Variants in POFUT3 observed in about 807,000 individuals in gnomAD.
POFUT3 encodes GDP-fucose protein O-fucosyltransferase 3.
the POFUT3 span, among the ~76,000 whole-genome samples, chr8:33,441,140 G>A: frequency 2.0e-5 from 3 of 151,916 alleles, no homozygotes; most frequent in East Asian, 3.9e-4. Flanking sequence ...AGACCAGCCT[G>A]GCCAACATGG....
At chr8:33,446,742 A>T in the POFUT3 span, among the ~76,000 whole-genome samples, 2 of 152,204 alleles carry the variant, frequency 1.3e-5, no homozygotes, top group East Asian at 3.9e-4. Flanking sequence ...GACACCAACA[A>T]GTTGGTTTTT....
At chr8:33,431,031 C>T in the POFUT3 span, among the ~76,000 whole-genome samples, 1 of 152,094 alleles carries the variant, frequency 6.6e-6, no homozygotes, top group Admixed American at 6.6e-5. Flanking sequence ...CACACTTACC[C>T]TTGGAAAGTG....
the POFUT3 span, among the ~76,000 whole-genome samples, chr8:33,457,690 G>A: frequency 6.6e-6 from 1 of 151,984 alleles, no homozygotes; most frequent in African/African-American, 2.4e-5. Flanking sequence ...ATATCCAGGT[G>A]AAATGCTATT....
chr8:33,415,528 G>A, the POFUT3 span, among the ~76,000 whole-genome samples: 7 of 152,126 alleles, frequency 4.6e-5, no homozygotes, highest in African/African-American at 1.4e-4. Context: ...GAGCAGTCAA[G>A]TACCAGGTCC....
chr8:33,343,442 G>A, the POFUT3 span, among the ~76,000 whole-genome samples: 7 of 152,312 alleles, frequency 4.6e-5, no homozygotes, highest in South Asian at 2.1e-4. Context: ...CAAGAAATGC[G>A]ATAGACAAGC....
chr8:33,384,413 G>A, the POFUT3 span, among the ~76,000 whole-genome samples: 4 of 152,154 alleles, frequency 2.6e-5, no homozygotes, highest in East Asian at 1.9e-4. Flanking sequence ...CCTTTTACTC[G>A]AGAAGGAATA....
the POFUT3 span, among the ~76,000 whole-genome samples, chr8:33,340,906 A>G: frequency 6.6e-6 from 1 of 152,234 alleles, no homozygotes; most frequent in Non-Finnish European, 1.5e-5. Context: ...AAGACTACAG[A>G]AGAACACAAC....
chr8:33,361,490 C>G, the POFUT3 span: 1 of 152,122 alleles, frequency 6.6e-6, no homozygotes, highest in African/African-American at 2.4e-5. Flanking sequence ...GACAGAGATT[C>G]ACGAGGTAAA....
chr8:33,316,680 T>G, the POFUT3 span, among the ~76,000 whole-genome samples: 1 of 151,128 alleles, frequency 6.6e-6, no homozygotes, highest in Non-Finnish European at 1.5e-5. Context: ...AGGTGGAGGT[T>G]GCAATGAGCC....
chr8:33,377,422 C>G, the POFUT3 span: 1 of 152,140 alleles, frequency 6.6e-6, no homozygotes, highest in African/African-American at 2.4e-5. Flanking sequence ...CTCGAGTCAC[C>G]AGTCAGCTGG....
At chr8:33,434,634 C>G in the POFUT3 span, among the ~76,000 whole-genome samples, 1 of 152,186 alleles carries the variant, frequency 6.6e-6, no homozygotes, top group Non-Finnish European at 1.5e-5. Flanking sequence ...GAACTGGAGA[C>G]AGCCCCTTAG....
the POFUT3 span, among the ~76,000 whole-genome samples, chr8:33,365,800 T>G: frequency 6.6e-6 from 1 of 152,022 alleles, no homozygotes; most frequent in South Asian, 2.1e-4. Context: ...GCTTTTACAC[T>G]GTTGGTGGGA....
At chr8:33,329,623 A>G in the POFUT3 span, among the ~76,000 whole-genome samples, 1 of 152,248 alleles carries the variant, frequency 6.6e-6, no homozygotes, top group African/African-American at 2.4e-5. Context: ...GCTATAAGCA[A>G]TGCCACAGAG....
the POFUT3 span, among the ~76,000 whole-genome samples, chr8:33,330,533 G>T: frequency 6.6e-6 from 1 of 152,236 alleles, no homozygotes; most frequent in African/African-American, 2.4e-5. Flanking sequence ...AGCTGGAAAA[G>T]TGCCTCACAC....
At chr8:33,428,517 A>C in the POFUT3 span, among the ~76,000 whole-genome samples, 4 of 152,294 alleles carry the variant, frequency 2.6e-5, no homozygotes, top group East Asian at 7.7e-4. Context: ...ACTAACTAAC[A>C]AGGGAGATGG....
At chr8:33,329,398 A>T in the POFUT3 span, among the ~76,000 whole-genome samples, 4 of 152,210 alleles carry the variant, frequency 2.6e-5, no homozygotes, top group Non-Finnish European at 5.9e-5. Context: ...TCTGAGACAA[A>T]ATCTAATTCT....
chr8:33,469,714 A>T, the POFUT3 span, among the ~76,000 whole-genome samples: 1 of 152,208 alleles, frequency 6.6e-6, no homozygotes, highest in South Asian at 2.1e-4. Flanking sequence ...TTGATGTAGA[A>T]ACTAAAAACA....
the POFUT3 span, among the ~76,000 whole-genome samples, chr8:33,470,560 A>G: frequency 0.012 from 1,882 of 152,350 alleles, 26 homozygotes; most frequent in South Asian, 0.038. Context: ...ACTAATAAGT[A>G]TTAGTAACTA....
chr8:33,430,477 A>G, the POFUT3 span, among the ~76,000 whole-genome samples: 3 of 152,334 alleles, frequency 2.0e-5, no homozygotes, highest in East Asian at 3.9e-4. Flanking sequence ...ACTAGGGTTT[A>G]GTCACCTTGA....
Sources: allele counts gnomAD v4.1 joint callset (sites outside exome capture counted in the v4.1 genomes callset), GRCh38; gene constraint gnomAD v4.1.1; transcripts MANE v1.5; gene names NCBI Gene and HGNC (gene_info 2026-07-23, HGNC 2026-07-21).